Variants in TYRO3 observed in about 807,000 individuals in gnomAD.
The protein encoded by TYRO3 is tyrosine-protein kinase receptor TYRO3.
A neutral mutation model predicts 95.2 loss-of-function variants in TYRO3; 38 were observed. That is an observed-to-expected ratio of 0.40 (90% CI 0.31 to 0.52). The LOEUF is 0.52. Ranked by LOEUF, TYRO3 falls within the 20% of genes least tolerant of loss-of-function variation. The pLI, the probability that TYRO3 is intolerant of heterozygous loss-of-function variation, is 0.56. For synonymous variants in TYRO3, 367 were observed against 432.9 expected, an observed-to-expected ratio of 0.85 and a Z score of 1.89; for missense variants, 812 against 1,116.4, an observed-to-expected ratio of 0.73 and a Z score of 3.89.
chr15:41,567,017 A>G (rs1454272207), intron 6 of TYRO3, among the ~76,000 whole-genome samples: 1 of 152,152 alleles, frequency 6.6e-6, no homozygotes, highest in Non-Finnish European at 1.5e-5. Context: ...AGTAAGTGGT[A>G]AGTATACCCT....
intron 4 of TYRO3, among the ~76,000 whole-genome samples, chr15:41,563,289 A>G (rs2055680275): frequency 6.6e-6 from 1 of 152,112 alleles, no homozygotes; most frequent in Non-Finnish European, 1.5e-5. Context: ...CTGGGCCCCA[A>G]GTTTCTTGGG....
Position 41,559,385 on chromosome 15 carries a change from G to T in TYRO3, c.124+4G>T. ...CTCCCGGAGTCCGCCGCCGCAGGTA[G>T]GGGCTGGCACGGGAGGCGGCGGGAA... On this transcript the variant is annotated splice_donor_region_variant and intron_variant, in intron 1 of 18. Transcript: ENST00000263798. 1.7e-5 allele frequency: 4 copies of T among 229,664 alleles called. No individual in the cohort carries two copies. The Admixed American group carries it at 2.6e-4, about 15-fold the overall frequency. 14.2% of individuals were successfully genotyped at this position (229,664 alleles called of 1,614,324 possible). A position where few individuals can be genotyped will look rare whatever the true frequency, so the allele number is the denominator to read the frequency against.
rs927332454 is a variant in TYRO3, at chr15:41,579,895, C to G, written c.*1619C>G. On this transcript the variant is annotated 3_prime_UTR_variant, in exon 19 of 19. Transcript: ENST00000263798. ...GCCTCAGCCTCCCGAGTAGCTGGGA[C>G]TACAGGTGCCTGCCACCACGCCCGG... is the stretch of plus-strand genomic sequence containing the variant. 3 of 151,576 alleles carry G rather than the reference C, an allele frequency of 2.0e-5. No homozygotes were observed. The highest frequency in any genetic ancestry group is 4.4e-5 in the Non-Finnish European group (3 of 67,968). The allele number at this position is 151,576 out of a possible 1,614,324, so 9.4% of individuals were successfully genotyped here. A position where few individuals can be genotyped will look rare whatever the true frequency, so the allele number is the denominator to read the frequency against.
At chr15:41,569,448 A>G (rs961681331) in intron 9 of TYRO3, among the ~76,000 whole-genome samples, 2 of 152,048 alleles carry the variant, frequency 1.3e-5, no homozygotes, top group Admixed American at 6.5e-5. Context: ...CAGCCTGGGC[A>G]ACAGAGTGAG....
At chr15:41,564,331 C>T (rs1314009731) in intron 5 of TYRO3, 61 bp downstream of exon 5, 8 of 1,524,572 alleles carry the variant, frequency 5.2e-6, no homozygotes, top group African/African-American at 1.4e-5. Flanking sequence ...GCGAGCTGTC[C>T]AGCAGTTAGA....
chr15:41,570,436 C>T (rs2055781082), intron 11 of TYRO3, 96 bp downstream of exon 11: 4 of 1,308,174 alleles, frequency 3.1e-6, no homozygotes, highest in Non-Finnish European at 2.1e-6. Flanking sequence ...TATGTCTGAA[C>T]ATCAGTGAGC....
At position 41,581,393 on chromosome 15, in the gene TYRO3, A is replaced by G. The variant is rs1460514003; in HGVS notation, c.*3117A>G. The G allele has an allele frequency of 6.5e-6, 1 of 153,318 alleles. No individual in the cohort carries two copies. Among genetic ancestry groups the G allele is most frequent in the Non-Finnish European group, 1.5e-5 (1 of 68,042 alleles). The allele number at this position is 153,318 out of a possible 1,614,324, so 9.5% of individuals were successfully genotyped here. ...CTGAAAAACCTGTTGCTGGTACTCC[A>G]AATTCTGGTTCCCATGTAGATCATG... On this transcript the variant is annotated 3_prime_UTR_variant, in exon 19 of 19. Transcript: ENST00000263798.
In TYRO3 at chr15:41,582,255, C is replaced by T. The variant is rs1449938866; in HGVS notation, c.*3979C>T. On this transcript the variant is annotated 3_prime_UTR_variant, in exon 19 of 19. Coordinates refer to ENST00000263798, the MANE Select transcript of TYRO3 (RefSeq NM_006293.4). Reference sequence around the variant, plus strand: ...AATGGCCGGGCATGGTGGCTCACACCCGTAATCCCAGCGCTTTGGGAGGCC... The same window carrying T: ...AATGGCCGGGCATGGTGGCTCACACTCGTAATCCCAGCGCTTTGGGAGGCC... The T allele has an allele frequency of 6.6e-6, 1 of 152,212 alleles. No individual in the cohort carries two copies. The highest frequency in any genetic ancestry group is 2.4e-5 in the African/African-American group (1 of 41,430). The allele number at this position is 152,212 out of a possible 1,614,324, so 9.4% of individuals were successfully genotyped here. A position where few individuals can be genotyped will look rare whatever the true frequency, so the allele number is the denominator to read the frequency against.
intron 7 of TYRO3, 60 bp downstream of exon 7, chr15:41,567,597 T>C: frequency 1.4e-6 from 2 of 1,389,890 alleles, no homozygotes; most frequent in Non-Finnish European, 1.9e-6. Context: ...GGGGCCGTGT[T>C]GGCTGGAGTT....
rs868266922 is a variant in TYRO3 at position 41,569,000 on chromosome 15, G to T, written c.1230G>T (p.Val410=). The T allele has an allele frequency of 6.2e-7, 1 of 1,614,084 alleles. No homozygotes were observed. The highest frequency in any genetic ancestry group is 8.5e-7 in the Non-Finnish European group (1 of 1,180,026). ...VGCGPWSQPL[V]VSSHDRAGQQ... is the part of the protein sequence containing the mutation. ...GTGGACCCTGGAGTCAGCCACTGGT[G>T]GTCTCTTCTCATGACCGTGCAGGTG... Residue 410 remains valine (V), a synonymous_variant, in exon 9 of 19, where the codon GTG becomes GTT. Transcript: ENST00000263798.
At chr15:41,576,492 C>CA (rs1177728259) in intron 18 of TYRO3, among the ~76,000 whole-genome samples, 1 of 151,832 alleles carries the variant, frequency 6.6e-6, no homozygotes, top group Non-Finnish European at 1.5e-5. Flanking sequence ...CTTGCCCAAC[C>CA]AATTTTTGTA....
At chr15:41,568,412 A>C in intron 8 of TYRO3, 50 bp downstream of exon 8, 1 of 1,550,454 alleles carries the variant, frequency 6.4e-7, no homozygotes, top group African/African-American at 1.4e-5. Flanking sequence ...ATAAGCCTTC[A>C]GGGTTCTAAG....
intron 4 of TYRO3, 139 bp from the exon 5 acceptor site, chr15:41,564,045 C>G: frequency 1.3e-6 from 1 of 749,730 alleles, no homozygotes; most frequent in East Asian, 2.6e-5. Context: ...TTCATTTCAC[C>G]GTACCTCACT....
rs370573528 is a variant in TYRO3 at position 41,573,382 on chromosome 15, G to A, written c.2060G>A (p.Arg687His). ...SRKIYSGDYY[R>H]QGCASKLPVK... ...AAGATCTACAGTGGGGACTACTATC[G>A]TCAAGGCTGTGCCTCCAAACTGCCT... Residue 687 changes from arginine (R) to histidine (H), a missense_variant, in exon 17 of 19, where the codon CGT becomes CAT. Coordinates refer to ENST00000263798, the MANE Select transcript of TYRO3 (RefSeq NM_006293.4). 36 of 1,614,150 alleles carry A rather than the reference G, an allele frequency of 2.2e-5. No individual in the cohort carries two copies. The highest frequency in any genetic ancestry group is 1.8e-4 in the Admixed American group (11 of 60,006).
At position 41,567,544 on chromosome 15, in the gene TYRO3, G is replaced by T. The variant is rs2055739638; in HGVS notation, c.961+7G>T. ...TTTCAGACCAAGGGTCTAGGTAAGG[G>T]ATGCATAGAGCAGAGCGGGTGGGCA... On this transcript the variant is annotated splice_region_variant and intron_variant, in intron 7 of 18. Coordinates refer to ENST00000263798, the MANE Select transcript of TYRO3 (RefSeq NM_006293.4). 1.4e-6 allele frequency: 2 copies of T among 1,416,696 alleles called. No homozygotes were observed. The highest frequency in any genetic ancestry group is 2.4e-5 in the East Asian group (1 of 41,336). 87.8% of individuals were successfully genotyped at this position (1,416,696 alleles called of 1,614,324 possible). A position where few individuals can be genotyped will look rare whatever the true frequency, so the allele number is the denominator to read the frequency against.
intron 8 of TYRO3, 96 bp downstream of exon 8, chr15:41,568,458 G>T (rs1595502155): frequency 2.3e-6 from 3 of 1,314,946 alleles, no homozygotes; most frequent in East Asian, 2.4e-5. Context: ...TCTTTGGTGG[G>T]CCTGGGTCTC....
intron 8 of TYRO3, among the ~76,000 whole-genome samples, 167 bp from the exon 9 acceptor site, chr15:41,568,711 G>C (rs1385086745): frequency 6.6e-6 from 1 of 152,044 alleles, no homozygotes; most frequent in Non-Finnish European, 1.5e-5. Context: ...CCCTGCAGCC[G>C]GGAACAGGAA....
At chr15:41,562,862 C>T in intron 4 of TYRO3, 144 bp downstream of exon 4, 1 of 828,396 alleles carries the variant, frequency 1.2e-6, no homozygotes, top group Non-Finnish European at 1.9e-6. Context: ...TGCACCATTA[C>T]TAAGCTCATT....
chr15:41,571,033 C>G lies in TYRO3; in HGVS notation c.1580-5C>G, dbSNP rs2055788919. 6.2e-7 allele frequency: 1 copy of G among 1,613,798 alleles called. No individual in the cohort carries two copies. Among genetic ancestry groups the G allele is most frequent in the Middle Eastern group, 1.7e-4 (1 of 6,060 alleles). ...AGACTCTCCCTTACTTGGATTGGTTCCTAGGAGAGTTTGGTTCAGTGCGGG... is the reference window on the plus strand; with the variant it reads ...AGACTCTCCCTTACTTGGATTGGTTGCTAGGAGAGTTTGGTTCAGTGCGGG... On this transcript the variant is annotated splice_region_variant and splice_polypyrimidine_tract_variant and intron_variant, in intron 12 of 18. Coordinates refer to ENST00000263798, the MANE Select transcript of TYRO3 (RefSeq NM_006293.4).
Sources: allele counts gnomAD v4.1 joint callset (sites outside exome capture counted in the v4.1 genomes callset), GRCh38; gene constraint gnomAD v4.1.1; transcripts MANE v1.5; gene names NCBI Gene and HGNC (gene_info 2026-07-23, HGNC 2026-07-21).